Variants in GJD4 observed in about 807,000 individuals in gnomAD.
The protein encoded by GJD4 is gap junction delta-4 protein.
Under a neutral mutation model 17.9 loss-of-function variants are expected in GJD4, and 18 were observed. That is an observed-to-expected ratio of 1.00 (90% CI 0.69 to 1.49). GJD4 has a LOEUF of 1.49. Ranked by LOEUF, GJD4 falls within the 40% of genes most tolerant of loss-of-function variation. The pLI, the probability that GJD4 is intolerant of heterozygous loss-of-function variation, is 0.00. For missense variants in GJD4, 639 were observed against 506.9 expected (o/e 1.26, Z -2.50); for synonymous variants, 293 against 236.8 (o/e 1.24, Z -2.18).
chr10:35,605,571 G>A lies in GJD4; in HGVS notation c.4G>A (p.Glu2Lys). Reference sequence around the variant, plus strand: ...GAGCCTGGGACATTCTGGAAGCATGGAAGGCGTGGACTTGCTAGGGTTTCT... The same window carrying A: ...GAGCCTGGGACATTCTGGAAGCATGAAAGGCGTGGACTTGCTAGGGTTTCT... Reference protein sequence around the residue: MEGVDLLGFLII... With the variant: MKGVDLLGFLII... The change falls in exon 1 of 2, where the codon GAA (glutamate) becomes AAA (lysine). Residue 2 changes from glutamate to lysine, a missense_variant. Coordinates refer to ENST00000321660, the MANE Select transcript of GJD4 (RefSeq NM_153368.3). 6.2e-7 allele frequency: 1 copy of A among 1,613,844 alleles called. No homozygotes were observed.
intron 1 of GJD4, 197 bp downstream of exon 1, chr10:35,605,828 G>A: frequency 1.0e-5 from 6 of 594,252 alleles, no homozygotes; most frequent in South Asian, 2.2e-5. Flanking sequence ...TCTTTGAATG[G>A]TTCCGCGGTT....
rs777279417 is a variant in GJD4, at chr10:35,608,288, GA to G, written c.777del (p.Glu260ArgfsTer39). On this transcript the variant is annotated frameshift_variant, in exon 2 of 2. Transcript: ENST00000321660. LOFTEE classifies it high-confidence loss of function. Reference sequence around the variant, plus strand: ...GACTGACGAGGAGGGTGGGCGGGAGGAAGAGGGGGCACCGGCGCCCCCGGGT... The same window carrying G: ...GACTGACGAGGAGGGTGGGCGGGAGGAGAGGGGGCACCGGCGCCCCCGGGT... ...RRTDEEGGREEEGAPAPPGAR... is the reference protein window; with the variant it reads ...RRTDEEGGREXEGAPAPPGAR... The G allele has an allele frequency of 1.3e-6, 2 of 1,556,532 alleles. No homozygotes were observed. Among genetic ancestry groups the G allele is most frequent in the South Asian group, 2.3e-5 (2 of 85,274 alleles).
chr10:35,605,892 C>G (rs893168336), intron 1 of GJD4: 15 of 503,324 alleles, frequency 3.0e-5, no homozygotes, highest in Middle Eastern at 1.1e-3. Context: ...ACAGATCATC[C>G]TGTGCTGACA....
Position 35,608,169 on chromosome 10 carries a change from G to A in GJD4, c.656G>A (p.Ser219Asn), listed in dbSNP as rs1192309435. Residue 219 changes from serine to asparagine, a missense_variant, in exon 2 of 2, where the codon AGC (serine) becomes AAC (asparagine). By Grantham distance (46) the Ser-to-Asn change is conservative (BLOSUM62 1). Coordinates refer to ENST00000321660, the MANE Select transcript of GJD4 (RefSeq NM_153368.3). ...FLLGLADLVC[S>N]LRRRMRRRPG... The stretch of plus-strand genomic sequence containing the variant: ...CTGGGCCTCGCCGACCTGGTCTGCA[G>A]CCTGCGGCGGCGGATGCGCAGGAGG... 1 of 1,601,772 alleles carries A rather than the reference G, an allele frequency of 6.2e-7. No individual in the cohort carries two copies. The highest frequency in any genetic ancestry group is 2.2e-5 in the East Asian group (1 of 44,448).
rs1213475022 is a variant in GJD4 at position 35,608,100 on chromosome 10, T to C, written c.587T>C (p.Leu196Pro). The change falls in exon 2 of 2, where the codon CTG (leucine) becomes CCG (proline). Residue 196 changes from leucine (L) to proline (P), a missense_variant. Transcript: ENST00000321660. Reference sequence around the variant, plus strand: ...GTGTCGCGGCCCACAGAGAAGTCCCTGCTGATGCTGTTCCTCTGGGCGGTC... The same window carrying C: ...GTGTCGCGGCCCACAGAGAAGTCCCCGCTGATGCTGTTCCTCTGGGCGGTC... Reference protein sequence around the residue: ...CYVSRPTEKSLLMLFLWAVSA... With the variant: ...CYVSRPTEKSPLMLFLWAVSA... The C allele has an allele frequency of 6.2e-7, 1 of 1,609,676 alleles. No individual in the cohort carries two copies. Among genetic ancestry groups the C allele is most frequent in the African/African-American group, 1.3e-5 (1 of 74,736 alleles).
At position 35,608,763 on chromosome 10, in the gene GJD4, C is replaced by T. The variant is rs1487238086; in HGVS notation, c.*137C>T. 3 of 602,392 alleles carry T rather than the reference C, an allele frequency of 5.0e-6. No homozygotes were observed. The highest frequency in any genetic ancestry group is 3.6e-5 in the Admixed American group (1 of 27,408). The allele number at this position is 602,392 out of a possible 1,614,324, so 37.3% of individuals were successfully genotyped here. A position where few individuals can be genotyped will look rare whatever the true frequency, so the allele number is the denominator to read the frequency against. ...ACCAGCCTGGACAACATAATGAGAC[C>T]CTCGTCTCTACAAAATATCTAAAAA... On this transcript the variant is annotated 3_prime_UTR_variant, in exon 2 of 2. Coordinates refer to ENST00000321660, the MANE Select transcript of GJD4 (RefSeq NM_153368.3).
At position 35,608,133 on chromosome 10, in the gene GJD4, T is replaced by G; in HGVS notation, c.620T>G (p.Leu207Arg). 2 of 1,609,280 alleles carry G rather than the reference T, an allele frequency of 1.2e-6. No individual in the cohort carries two copies. Among genetic ancestry groups the G allele is most frequent in the East Asian group, 4.5e-5 (2 of 44,732 alleles). Reference sequence around the variant, plus strand: ...CTGTTCCTCTGGGCGGTCAGCGCGCTGTCTTTTCTGCTGGGCCTCGCCGAC... The same window carrying G: ...CTGTTCCTCTGGGCGGTCAGCGCGCGGTCTTTTCTGCTGGGCCTCGCCGAC... ...LMLFLWAVSA[L>R]SFLLGLADLV... The change falls in exon 2 of 2, where the codon CTG (leucine) becomes CGG (arginine). Residue 207 changes from leucine to arginine, a missense_variant. Physicochemically the swap from Leu to Arg is moderately radical, Grantham distance 102. Transcript: ENST00000321660.
intron 1 of GJD4, chr10:35,606,496 T>C (rs915467308): frequency 6.6e-6 from 1 of 152,226 alleles, no homozygotes; most frequent in African/African-American, 2.4e-5. Flanking sequence ...CAGAAAAGGA[T>C]GAATATATGC....
Position 35,605,580 on chromosome 10 carries a change from G to A in GJD4, c.13G>A (p.Asp5Asn). 6 of 1,614,018 alleles carry A rather than the reference G, an allele frequency of 3.7e-6. No homozygotes were observed. The highest frequency in any genetic ancestry group is 4.2e-6 in the Non-Finnish European group (5 of 1,179,894). The change falls in exon 1 of 2, where the codon GAC (aspartate) becomes AAC (asparagine). Residue 5 changes from aspartate to asparagine, a missense_variant. Asp to Asn is a conservative substitution (Grantham distance 23, BLOSUM62 1). Coordinates refer to ENST00000321660, the MANE Select transcript of GJD4 (RefSeq NM_153368.3). Reference protein sequence around the residue: MEGVDLLGFLIITLN... With the variant: MEGVNLLGFLIITLN... ...ACATTCTGGAAGCATGGAAGGCGTGGACTTGCTAGGGTTTCTCATCATCAC... is the reference window on the plus strand; with the variant it reads ...ACATTCTGGAAGCATGGAAGGCGTGAACTTGCTAGGGTTTCTCATCATCAC...
At chr10:35,606,896 G>A (rs954504283) in intron 1 of GJD4, 4 of 152,250 alleles carry the variant, frequency 2.6e-5, no homozygotes, top group Admixed American at 6.5e-5. Context: ...TCTGAAAAAT[G>A]GAATGTTCAT....
Position 35,608,120 on chromosome 10 carries a change from G to T in GJD4, c.607G>T (p.Ala203Ser), listed in dbSNP as rs372321157. ...GTCCCTGCTGATGCTGTTCCTCTGG[G>T]CGGTCAGCGCGCTGTCTTTTCTGCT... ...EKSLLMLFLW[A>S]VSALSFLLGL... The change falls in exon 2 of 2, where the codon GCG becomes TCG. Residue 203 changes from alanine to serine, a missense_variant. Coordinates refer to ENST00000321660, the MANE Select transcript of GJD4 (RefSeq NM_153368.3). The T allele has an allele frequency of 5.6e-6, 9 of 1,609,882 alleles. No individual in the cohort carries two copies. Among genetic ancestry groups the T allele is most frequent in the African/African-American group, 1.3e-5 (1 of 74,900 alleles).
At position 35,608,569 on chromosome 10, in the gene GJD4, G is replaced by A. The variant is rs1211740684; in HGVS notation, c.1056G>A (p.Pro352=). The part of the protein sequence containing the change: ...PSCSSLQPPD[P]PASSSGAPHL... Reference sequence around the variant, plus strand: ...GCAGCAGCCTGCAGCCCCCTGACCCGCCTGCCAGCTCCAGTGGTGCTCCCC... The same window carrying A: ...GCAGCAGCCTGCAGCCCCCTGACCCACCTGCCAGCTCCAGTGGTGCTCCCC... The change falls in exon 2 of 2, where the codon CCG becomes CCA. Residue 352 remains proline, a synonymous_variant. Transcript: ENST00000321660. The A allele has an allele frequency of 1.7e-5, 27 of 1,553,426 alleles. No homozygotes were observed. Among genetic ancestry groups the A allele is most frequent in the Non-Finnish European group, 2.3e-5 (27 of 1,153,118 alleles).
Position 35,608,586 on chromosome 10 carries a change from G to A in GJD4, c.1073G>A (p.Gly358Asp), listed in dbSNP as rs760849098. The change falls in exon 2 of 2, where the codon GGT (glycine) becomes GAT (aspartate). Residue 358 changes from glycine to aspartate, a missense_variant. By Grantham distance (94) the Gly-to-Asp change is moderately conservative. Transcript: ENST00000321660. ...CCTGACCCGCCTGCCAGCTCCAGTG[G>A]TGCTCCCCACCTGAGAGCCAGGAAG... is the stretch of plus-strand genomic sequence containing the variant. ...QPPDPPASSS[G>D]APHLRARKSE... is the part of the protein sequence containing the mutation. The A allele has an allele frequency of 1.3e-6, 2 of 1,539,206 alleles. No homozygotes were observed. Among genetic ancestry groups the A allele is most frequent in the Non-Finnish European group, 1.7e-6 (2 of 1,146,920 alleles).
In GJD4 at chr10:35,608,217, C is replaced by T. The variant is rs112658635; in HGVS notation, c.704C>T (p.Ser235Phe). Residue 235 changes from serine (S) to phenylalanine (F), a missense_variant, in exon 2 of 2, where the codon TCC becomes TTC. Transcript: ENST00000321660. ...AGGCCGGGACCCCCCACAAGCCCCT[C>T]CATCCGGAAGCAGAGCGGAGCCTCA... ...RRRPGPPTSP[S>F]IRKQSGASGH... 3.3e-4 allele frequency: 521 copies of T among 1,589,530 alleles called. 3 individuals are homozygous for T. In the African/African-American group the frequency reaches 5.8e-3, roughly 18 times the overall value.
chr10:35,607,240 G>A (rs906414665), intron 1 of GJD4: 1 of 285,142 alleles, frequency 3.5e-6, no homozygotes, highest in African/African-American at 2.2e-5. Flanking sequence ...TTACAAACAA[G>A]GATGTTCAGT....
chr10:35,606,918 A>G (rs1003754276), intron 1 of GJD4: 3 of 152,242 alleles, frequency 2.0e-5, no homozygotes, highest in African/African-American at 7.2e-5. Flanking sequence ...AAGAAATTCA[A>G]TTTCAAGGGC....
Position 35,607,777 on chromosome 10 carries a change from CTCCGCCG to C in GJD4, c.267_273del (p.Ala90SerfsTer106). Reference sequence around the variant, plus strand: ...TCCAGGGCGTGTGCGTCCTCCTCCCCTCCGCCGTCTTCAGCGTCTATGTCCTGCACCG... The same window carrying C: ...TCCAGGGCGTGTGCGTCCTCCTCCCCTCTTCAGCGTCTATGTCCTGCACCG... On this transcript the variant is annotated frameshift_variant, in exon 2 of 2. Transcript: ENST00000321660. LOFTEE classifies it high-confidence loss of function. 6.2e-7 allele frequency: 1 copy of C among 1,608,744 alleles called. No homozygotes were observed. Among genetic ancestry groups the C allele is most frequent in the Non-Finnish European group, 8.5e-7 (1 of 1,179,988 alleles).
At position 35,608,471 on chromosome 10, in the gene GJD4, C is replaced by T. The variant is rs980395733; in HGVS notation, c.958C>T (p.Gln320Ter). ...GGGCAGGCCCCACCGAGAGGCCGCC[C>T]AGGACCCCAGGGGCTCAGGATCCGA... is the stretch of plus-strand genomic sequence containing the variant. ...PRGRPHREAA[Q>*]DPRGSGSEEQ... The change falls in exon 2 of 2, where the codon CAG (glutamine) becomes TAG (stop). Residue 320 changes from glutamine (Q) to a stop codon, truncating the protein, a stop_gained. Coordinates refer to ENST00000321660, the MANE Select transcript of GJD4 (RefSeq NM_153368.3). LOFTEE classifies it high-confidence loss of function. 4.5e-6 allele frequency: 7 copies of T among 1,548,968 alleles called. No homozygotes were observed. Among genetic ancestry groups the T allele is most frequent in the South Asian group, 1.2e-5 (1 of 84,002 alleles).
At chr10:35,605,782 G>A in intron 1 of GJD4, 151 bp downstream of exon 1, 1 of 647,006 alleles carries the variant, frequency 1.5e-6, no homozygotes, top group Non-Finnish European at 2.8e-6. Flanking sequence ...AAAGGGCTGT[G>A]CCTTTCTGGA....
Sources: allele counts gnomAD v4.1 joint callset, GRCh38; gene constraint gnomAD v4.1.1; transcripts MANE v1.5; gene names NCBI Gene and HGNC (gene_info 2026-07-23, HGNC 2026-07-21).